CDH12: variants seen among roughly 807,000 people sequenced by gnomAD.
CDH12 encodes the protein cadherin-12.
Under a neutral mutation model 74.1 loss-of-function variants are expected in CDH12, and 41 were observed. The ratio of observed to expected loss-of-function variants is 0.55; its 90% CI spans 0.43 to 0.72. CDH12 has a LOEUF of 0.72. Among genes scored for constraint, CDH12 ranks in the 30% least tolerant of loss-of-function variants. The pLI, the probability that CDH12 is intolerant of heterozygous loss-of-function variation, is 0.00. For synonymous variants in CDH12, 399 were observed against 355.0 expected (o/e 1.12, Z -1.39); for missense variants, 945 against 977.2 (o/e 0.97, Z 0.44).
chr5:21,858,652 G>A (rs1251675301), intron 6 of CDH12, among the ~76,000 whole-genome samples: 1 of 151,816 alleles, frequency 6.6e-6, no homozygotes, highest in Non-Finnish European at 1.5e-5. Flanking sequence ...CACTGTCCAA[G>A]GTGCTAGGGA....
intron 1 of CDH12, among the ~76,000 whole-genome samples, chr5:22,540,363 GA>G (rs1337883742): frequency 6.6e-6 from 1 of 152,018 alleles, no homozygotes; most frequent in African/African-American, 2.4e-5. Context: ...GCCATTTTAA[GA>G]GGGTGTTTTT....
intron 1 of CDH12, among the ~76,000 whole-genome samples, chr5:22,577,747 T>A (rs1293342910): frequency 1.3e-5 from 2 of 152,204 alleles, no homozygotes; most frequent in African/African-American, 4.8e-5. Flanking sequence ...ATTACTGTTA[T>A]TATCCCAAGT....
At chr5:22,395,747 G>A (rs1162926573) in intron 3 of CDH12, among the ~76,000 whole-genome samples, 1 of 152,122 alleles carries the variant, frequency 6.6e-6, no homozygotes, top group Non-Finnish European at 1.5e-5. Flanking sequence ...TCGCCACGTA[G>A]ATGATATTTA....
chr5:22,583,544 C>T (rs567367733), intron 1 of CDH12, among the ~76,000 whole-genome samples: 85 of 152,030 alleles, frequency 5.6e-4, no homozygotes, highest in African/African-American at 2.0e-3. Context: ...GGAAGGAAAC[C>T]GTCTTAATCA....
chr5:22,690,864 CTCATGAGACAGTTT>C (rs774381027), intron 1 of CDH12, among the ~76,000 whole-genome samples: 2 of 151,988 alleles, frequency 1.3e-5, no homozygotes, highest in Non-Finnish European at 2.9e-5. Flanking sequence ...TTCACTATTT[CTCATGAGACAGTTT>C]TCAGGTCATG....
intron 1 of CDH12, among the ~76,000 whole-genome samples, chr5:22,600,043 A>G (rs1035606706): frequency 6.6e-6 from 1 of 152,126 alleles, no homozygotes; most frequent in Non-Finnish European, 1.5e-5. Flanking sequence ...ATGGGGAAAA[A>G]AAGACATGCA....
At chr5:22,579,927 G>C (rs1431414149) in intron 1 of CDH12, among the ~76,000 whole-genome samples, 1 of 152,022 alleles carries the variant, frequency 6.6e-6, no homozygotes, top group African/African-American at 2.4e-5. Flanking sequence ...CTTATGCATT[G>C]ACCTCTTCCC....
At chr5:22,336,215 C>T (rs560876605) in intron 3 of CDH12, among the ~76,000 whole-genome samples, 36 of 152,238 alleles carry the variant, frequency 2.4e-4, no homozygotes, top group Admixed American at 2.0e-3. Context: ...CAAGAGGTGA[C>T]TTGGGTGCTG....
Position 22,078,479 on chromosome 5 carries a change from T to C in CDH12, c.198A>G (p.Glu66=). 6.2e-7 allele frequency: 1 copy of C among 1,613,904 alleles called. No homozygotes were observed. Among genetic ancestry groups the C allele is most frequent in the Non-Finnish European group, 8.5e-7 (1 of 1,179,842 alleles). Residue 66 remains glutamate (E), a synonymous_variant, in exon 5 of 15, where the codon GAA becomes GAG. Coordinates refer to ENST00000382254, the MANE Select transcript of CDH12 (RefSeq NM_004061.5). ...WVWNQFFVLE[E]YVGSEPQYVG... is the part of the protein sequence containing the mutation. ...CATACTGAGGCTCGGAGCCCACGTA[T>C]TCTTCCAGCACAAAAAATTGATTCC... is the stretch of plus-strand genomic sequence containing the variant.
intron 3 of CDH12, among the ~76,000 whole-genome samples, chr5:22,295,078 G>A (rs571411608): frequency 6.6e-6 from 1 of 152,240 alleles, no homozygotes; most frequent in East Asian, 1.9e-4. Context: ...TTTTCCATTA[G>A]CTCCTCCTGT....
chr5:22,017,626 A>T (rs1941817576), intron 5 of CDH12, among the ~76,000 whole-genome samples: 1 of 152,142 alleles, frequency 6.6e-6, no homozygotes, highest in Admixed American at 6.5e-5. Context: ...TGAATGAAGA[A>T]GATGTAAATG....
At chr5:21,792,502 T>C (rs1490905353) in intron 10 of CDH12, among the ~76,000 whole-genome samples, 1 of 151,676 alleles carries the variant, frequency 6.6e-6, no homozygotes, top group African/African-American at 2.4e-5. Context: ...AAAATAGATC[T>C]CTAAAGAAGA....
intron 1 of CDH12, among the ~76,000 whole-genome samples, chr5:22,547,498 C>A (rs932033860): frequency 5.3e-5 from 8 of 152,058 alleles, no homozygotes; most frequent in African/African-American, 1.9e-4. Flanking sequence ...CTAAACTATA[C>A]CATTTTCCTG....
intron 4 of CDH12, among the ~76,000 whole-genome samples, chr5:22,112,880 C>A (rs1744892801): frequency 6.6e-6 from 1 of 152,040 alleles, no homozygotes. Flanking sequence ...ATTAAAGGGG[C>A]AGTTTAACAG....
intron 4 of CDH12, among the ~76,000 whole-genome samples, chr5:22,173,276 T>G (rs1749140548): frequency 6.8e-6 from 1 of 146,866 alleles, no homozygotes; most frequent in Non-Finnish European, 1.5e-5. Context: ...AATTTTATAA[T>G]TATATAATTT....
chr5:22,711,753 T>A (rs1234230165), intron 1 of CDH12, among the ~76,000 whole-genome samples: 1 of 152,026 alleles, frequency 6.6e-6, no homozygotes, highest in East Asian at 1.9e-4. Context: ...TGTTGTGAAA[T>A]AACAAAGGAG....
At chr5:22,281,586 A>G (rs149636679) in intron 3 of CDH12, among the ~76,000 whole-genome samples, 280 of 152,206 alleles carry the variant, frequency 1.8e-3, no homozygotes, top group African/African-American at 6.4e-3. Context: ...ATAATAGACA[A>G]ACAAAGAGCC....
chr5:22,576,817 T>C (rs1739814571), intron 1 of CDH12, among the ~76,000 whole-genome samples: 1 of 152,028 alleles, frequency 6.6e-6, no homozygotes, highest in Non-Finnish European at 1.5e-5. Flanking sequence ...AGTAGAGACA[T>C]GGTAAATATC....
intron 2 of CDH12, among the ~76,000 whole-genome samples, chr5:22,475,113 G>T (rs1746116008): frequency 6.6e-6 from 1 of 150,502 alleles, no homozygotes; most frequent in African/African-American, 2.4e-5. Context: ...CTTGGCAAGA[G>T]GTGGAACCAG....
Sources: gnomAD v4.1 joint callset for allele counts (sites outside exome capture counted in the v4.1 genomes callset) on GRCh38, gnomAD v4.1.1 for gene constraint, MANE v1.5 for transcripts, NCBI Gene and HGNC (gene_info 2026-07-23, HGNC 2026-07-21) for gene names.